NTM: variants seen among roughly 807,000 people sequenced by gnomAD.
NTM encodes IgLON family member 2.
A neutral mutation model predicts 42.1 loss-of-function variants in NTM; 13 were observed. The observed-to-expected ratio is 0.31, with a 90% CI of 0.20 to 0.49. NTM has a LOEUF of 0.49. Among genes scored for constraint, NTM ranks in the 20% least tolerant of loss-of-function variants. The pLI is 0.99. For synonymous variants in NTM, 187 were observed against 179.2 expected (o/e 1.04, Z -0.35); for missense variants, 373 against 452.8 (o/e 0.82, Z 1.60).
chr11:131,713,475 G>A (rs139664822), intron 1 of NTM, among the ~76,000 whole-genome samples: 6 of 152,228 alleles, frequency 3.9e-5, no homozygotes, highest in African/African-American at 9.6e-5. Flanking sequence ...TGTCCTAAGC[G>A]ATTTTCTTAA....
chr11:131,444,862 T>C (rs1416148023), intron 1 of NTM, among the ~76,000 whole-genome samples: 1 of 152,196 alleles, frequency 6.6e-6, no homozygotes. Context: ...ACAAATGTGT[T>C]TCCTGGAAGG....
chr11:132,162,487 TG>T (rs368577207), intron 3 of NTM, among the ~76,000 whole-genome samples: 98 of 139,996 alleles, frequency 7.0e-4, no homozygotes, highest in Middle Eastern at 3.8e-3. Flanking sequence ...GAAGTGTGGA[TG>T]GGGGGAGTGT....
At position 132,331,726 on chromosome 11, in the gene NTM, G is replaced by A. The variant is rs2136456449; in HGVS notation, c.967+1541G>A. Among the ~76,000 whole-genome samples the A allele has an allele frequency of 2.6e-5, 4 of 152,312 alleles. 1 individual carries two copies. In the South Asian group the frequency reaches 8.3e-4, roughly 32 times the overall value. ...CAGGGTGGTAAGTATTTTACTAGTG[G>A]GATGTGTATGGCACTGAGCAAGGCA... is the stretch of plus-strand genomic sequence containing the variant. On this transcript the variant is annotated intron_variant, in intron 8 of 8. Transcript: ENST00000683400.
At chr11:131,432,839 C>CATTTTTTTTTTTTTTTTTTTTT (rs1565494793) in intron 1 of NTM, among the ~76,000 whole-genome samples, 14 of 68,690 alleles carry the variant, frequency 2.0e-4, no homozygotes, top group Non-Finnish European at 2.8e-4. Flanking sequence ...ATTTAGCATT[C>CATTTTTTTTTTTTTTTTTTTTT]TTTTTTTTTT....
intron 1 of NTM, among the ~76,000 whole-genome samples, chr11:131,682,113 G>T (rs1343820808): frequency 1.3e-5 from 2 of 152,152 alleles, no homozygotes; most frequent in Non-Finnish European, 2.9e-5. Context: ...CACGGGCAGT[G>T]GCTGGGTCAT....
chr11:132,252,421 T>G (rs2092041833), intron 4 of NTM, among the ~76,000 whole-genome samples: 1 of 152,110 alleles, frequency 6.6e-6, no homozygotes, highest in Admixed American at 6.5e-5. Context: ...CCACCCATTT[T>G]CTTGAGAGCA....
chr11:131,413,798 A>G (rs949255202), intron 1 of NTM, among the ~76,000 whole-genome samples: 18 of 152,174 alleles, frequency 1.2e-4, no homozygotes, highest in Admixed American at 1.2e-3. Flanking sequence ...GGGGACAAGC[A>G]GGACAAGTTA....
chr11:131,964,210 G>T (rs1288627751), intron 2 of NTM, among the ~76,000 whole-genome samples: 2 of 152,194 alleles, frequency 1.3e-5, no homozygotes, highest in African/African-American at 4.8e-5. Context: ...CGCGTGTGCA[G>T]AGGCCCAGGG....
intron 3 of NTM, among the ~76,000 whole-genome samples, chr11:132,149,288 A>G (rs2137395496): frequency 6.6e-6 from 1 of 151,912 alleles, no homozygotes; most frequent in Middle Eastern, 3.4e-3. Context: ...TATTATACCA[A>G]ACATAAACCC....
At chr11:131,777,497 G>A (rs1378934146) in intron 1 of NTM, among the ~76,000 whole-genome samples, 1 of 129,612 alleles carries the variant, frequency 7.7e-6, no homozygotes, top group Non-Finnish European at 1.5e-5. Flanking sequence ...GCAGTGCCAG[G>A]CTCTTCTCTA....
At chr11:131,876,071 A>AG (rs1336495545) in intron 1 of NTM, among the ~76,000 whole-genome samples, 1 of 152,198 alleles carries the variant, frequency 6.6e-6, no homozygotes, top group Non-Finnish European at 1.5e-5. Flanking sequence ...TGGCATTTGA[A>AG]GGGGGATAAA....
chr11:132,169,320 C>CTTTTTTTATTTTTTTTTTTTTTTT (rs2075778427), intron 3 of NTM, among the ~76,000 whole-genome samples: 1 of 32,358 alleles, frequency 3.1e-5, no homozygotes, highest in Non-Finnish European at 5.4e-5. Flanking sequence ...AATTTTTTTA[C>CTTTTTTTATTTTTTTTTTTTTTTT]TTTTTTTTTT....
At chr11:132,307,572 A>AACTT in intron 4 of NTM, 117 bp from the exon 5 acceptor site, 2 of 1,417,668 alleles carry the variant, frequency 1.4e-6, no homozygotes, top group Non-Finnish European at 1.9e-6. Context: ...TCAGAATCTG[A>AACTT]ACTTACAACT....
In NTM at chr11:131,934,228, T is replaced by G. The variant is rs549311215; in HGVS notation, c.167+22580T>G. ...TTTTTCCTGGTGAATGAGAAGGCTC[T>G]TTATTGTATTGTGGTAACCCATTGA... On this transcript the variant is annotated intron_variant, in intron 2 of 8. Coordinates refer to ENST00000683400, the MANE Select transcript of NTM (RefSeq NM_001352005.2). 4.7e-4 allele frequency among the ~76,000 whole-genome samples: 72 copies of G among 152,328 alleles called. No homozygotes were observed. In the South Asian group the frequency reaches 9.5e-3, roughly 20 times the overall value.
chr11:131,374,763 G>GCT (rs1941738489), intron 1 of NTM, among the ~76,000 whole-genome samples: 1 of 152,156 alleles, frequency 6.6e-6, no homozygotes, highest in African/African-American at 2.4e-5. Context: ...GATGAAGTGA[G>GCT]CTCTCTCAAC....
At chr11:132,325,317 T>G (rs1171240774) in intron 7 of NTM, among the ~76,000 whole-genome samples, 1 of 151,350 alleles carries the variant, frequency 6.6e-6, no homozygotes, top group Non-Finnish European at 1.5e-5. Flanking sequence ...CTCAAACAAA[T>G]TTACAAGAAA....
chr11:131,509,807 G>T (rs1286348928), intron 1 of NTM, among the ~76,000 whole-genome samples: 2 of 152,202 alleles, frequency 1.3e-5, no homozygotes, highest in Non-Finnish European at 2.9e-5. Flanking sequence ...AAGGAGACCT[G>T]TGTAACTAGA....
chr11:132,044,912 T>C (rs533991), intron 2 of NTM, among the ~76,000 whole-genome samples: 74,390 of 151,916 alleles, frequency 0.49, 19,570 homozygotes, highest in East Asian at 0.81. Context: ...AAAAAAAGCC[T>C]AGCACCAGAC....
intron 4 of NTM, among the ~76,000 whole-genome samples, chr11:132,217,557 A>C (rs1248621137): frequency 6.6e-6 from 1 of 152,110 alleles, no homozygotes; most frequent in Non-Finnish European, 1.5e-5. Flanking sequence ...GAATTAGAGC[A>C]GAGCCTTCTG....
Sources: gnomAD v4.1 joint callset for allele counts (sites outside exome capture counted in the v4.1 genomes callset) on GRCh38, gnomAD v4.1.1 for gene constraint, MANE v1.5 for transcripts, NCBI Gene and HGNC (gene_info 2026-07-23, HGNC 2026-07-21) for gene names.